The following ZNF827 variants were observed in gnomAD, a reference collection of about 807,000 sequenced individuals.
ZNF827 encodes zinc finger protein 827.
Under a neutral mutation model 102.4 loss-of-function variants are expected in ZNF827, and 13 were observed. The ratio of observed to expected loss-of-function variants is 0.13; its 90% confidence interval spans 0.08 to 0.20. The LOEUF is 0.20. Ranked by LOEUF, ZNF827 falls within the 10% of genes least tolerant of loss-of-function variation. The pLI, the probability that ZNF827 is intolerant of heterozygous loss-of-function variation, is 1.00. For missense variants in ZNF827, 1,103 were observed against 1,344.4 expected, an observed-to-expected ratio of 0.82 and a Z score of 2.81; for synonymous variants, 523 against 536.2, an observed-to-expected ratio of 0.98 and a Z score of 0.34.
At chr4:145,922,500 CA>C (rs576894400) in intron 1 of ZNF827, among the ~76,000 whole-genome samples, 331 of 152,228 alleles carry the variant, frequency 2.2e-3, no homozygotes, top group African/African-American at 7.6e-3. Flanking sequence ...CACACAAACA[CA>C]AAAACAAAAC....
At chr4:145,858,134 A>AGT (rs10553157) in intron 5 of ZNF827, among the ~76,000 whole-genome samples, 2,128 of 147,060 alleles carry the variant, frequency 0.014, 18 homozygotes, top group Middle Eastern at 0.032. Flanking sequence ...TGCATGTGTG[A>AGT]GTGTGTGTGT....
At chr4:145,781,163 T>C (rs1487083014) in intron 8 of ZNF827, among the ~76,000 whole-genome samples, 6 of 108,474 alleles carry the variant, frequency 5.5e-5, no homozygotes, top group African/African-American at 7.4e-5. Flanking sequence ...GCCACTGCAC[T>C]CCAGCCCGGG....
At chr4:145,786,789 T>C (rs1738926945) in intron 8 of ZNF827, among the ~76,000 whole-genome samples, 1 of 152,212 alleles carries the variant, frequency 6.6e-6, no homozygotes, top group Non-Finnish European at 1.5e-5. Context: ...TTTGTTCCAG[T>C]GCTTGCAGCT....
At chr4:145,865,508 A>G (rs538954330) in intron 5 of ZNF827, among the ~76,000 whole-genome samples, 3 of 152,194 alleles carry the variant, frequency 2.0e-5, no homozygotes, top group Non-Finnish European at 4.4e-5. Context: ...CAGAGTTTCA[A>G]CTAGGTCCAG....
chr4:145,765,092 G>A lies in ZNF827; in HGVS notation c.3126C>T (p.Leu1042=). 6.2e-7 allele frequency: 1 copy of A among 1,614,206 alleles called. No individual in the cohort carries two copies. The highest frequency in any genetic ancestry group is 8.5e-7 in the Non-Finnish European group (1 of 1,180,040). ...NMFERHLQIH[L]ITRMFECDVC... ...CATCACACTCAAACATCCGGGTGAT[G>A]AGGTGTATCTGCAGATGACGCTCAA... The change falls in exon 13 of 15, where the codon CTC becomes CTT. Residue 1042 remains leucine, a synonymous_variant. Coordinates refer to ENST00000508784, the MANE Select transcript of ZNF827 (RefSeq NM_001306215.2). The surrounding 1 kb of genome is among the most constrained non-coding windows in gnomAD (Gnocchi z 4.7).
chr4:145,782,959 A>G (rs1738312197), intron 8 of ZNF827, among the ~76,000 whole-genome samples: 1 of 152,186 alleles, frequency 6.6e-6, no homozygotes, highest in Non-Finnish European at 1.5e-5. Context: ...AGCCCTGCCC[A>G]ATTCCCAAGG....
chr4:145,879,210 G>A (rs1315271507), intron 4 of ZNF827, among the ~76,000 whole-genome samples: 1 of 152,122 alleles, frequency 6.6e-6, no homozygotes, highest in African/African-American at 2.4e-5. Context: ...GTCCTTTGCA[G>A]CCGAAACCTT....
chr4:145,762,142 TA>T lies in ZNF827; in HGVS notation c.*18-545del, dbSNP rs1300674794. On this transcript the variant is annotated intron_variant, in intron 14 of 14. Coordinates refer to ENST00000508784, the MANE Select transcript of ZNF827 (RefSeq NM_001306215.2). This position sits in a 1 kb window ranked among gnomAD's most constrained non-coding sequence, Gnocchi z 4.9. ...TCACAGGGGTCAGAATCGTGCTTAT[TA>T]AGGGTTTGTTAGGATGAGAAGGCCT... 3.3e-5 allele frequency among the ~76,000 whole-genome samples: 5 copies of T among 152,140 alleles called. No homozygotes were observed. The highest frequency in any genetic ancestry group is 1.2e-4 in the African/African-American group (5 of 41,416).
chr4:145,820,590 A>G (rs906470259), intron 8 of ZNF827, among the ~76,000 whole-genome samples: 1 of 152,194 alleles, frequency 6.6e-6, no homozygotes, highest in East Asian at 1.9e-4. Context: ...CTATTTCTGC[A>G]CAGCCACTAT....
intron 4 of ZNF827, 68 bp from the exon 5 acceptor site, chr4:145,870,546 T>C: frequency 7.4e-7 from 1 of 1,356,776 alleles, no homozygotes; most frequent in South Asian, 1.2e-5. Context: ...GCCCTGGTAC[T>C]TCACGAAGTA....
intron 8 of ZNF827, 140 bp downstream of exon 8, chr4:145,823,282 A>T: frequency 1.5e-6 from 1 of 652,128 alleles, no homozygotes; most frequent in Non-Finnish European, 2.6e-6. Context: ...GCTTAAATTG[A>T]GTTTCTCCTT....
Position 145,885,993 on chromosome 4 carries a change from G to A in ZNF827, c.1432C>T (p.Pro478Ser), listed in dbSNP as rs1394509580. The A allele has an allele frequency of 2.5e-6, 4 of 1,613,982 alleles. No individual in the cohort carries two copies. The highest frequency in any genetic ancestry group is 3.4e-6 in the Non-Finnish European group (4 of 1,180,004). Residue 478 changes from proline (P) to serine (S), a missense_variant, in exon 4 of 15, where the codon CCC becomes TCC. Physicochemically the swap from Pro to Ser is moderately conservative, Grantham distance 74. Coordinates refer to ENST00000508784, the MANE Select transcript of ZNF827 (RefSeq NM_001306215.2). Reference protein sequence around the residue: ...EIPDPDVKGSPHLSDSACLGQ... With the variant: ...EIPDPDVKGSSHLSDSACLGQ... ...AGGCAGGCACTGTCACTGAGGTGGG[G>A]AGATCCCTTGACATCTGGGTCTGGG...
chr4:145,840,057 G>T (rs984254550), intron 7 of ZNF827, among the ~76,000 whole-genome samples: 3 of 152,194 alleles, frequency 2.0e-5, no homozygotes, highest in Non-Finnish European at 4.4e-5. Flanking sequence ...ATAGAACAAA[G>T]TACTGAGAAA....
intron 5 of ZNF827, among the ~76,000 whole-genome samples, chr4:145,855,000 A>C (rs564656595): frequency 2.6e-5 from 4 of 152,228 alleles, no homozygotes; most frequent in Middle Eastern, 3.2e-3. Context: ...GCGTTGAGCA[A>C]GCTTAATGCT....
In ZNF827 at chr4:145,761,404, G is replaced by C. The variant is rs1734472275; in HGVS notation, c.*212C>G. 2 of 1,289,872 alleles carry C rather than the reference G, an allele frequency of 1.6e-6. No individual in the cohort carries two copies. Among genetic ancestry groups the C allele is most frequent in the Non-Finnish European group, 2.0e-6 (2 of 988,862 alleles). The allele number at this position is 1,289,872 out of a possible 1,614,324, so 79.9% of individuals were successfully genotyped here. On this transcript the variant is annotated 3_prime_UTR_variant, in exon 15 of 15. Transcript: ENST00000508784. This position sits in a 1 kb window ranked among gnomAD's most constrained non-coding sequence, Gnocchi z 6.8. The stretch of plus-strand genomic sequence containing the variant: ...CACGTGCTCGATGAGCTTGTTGGCG[G>C]TCTTGGACAGGTAGCCGCACTGGTC...
At chr4:145,782,946 T>C (rs919492453) in intron 8 of ZNF827, among the ~76,000 whole-genome samples, 3 of 152,234 alleles carry the variant, frequency 2.0e-5, no homozygotes, top group African/African-American at 7.2e-5. Flanking sequence ...ATCTCCTTGG[T>C]GAAGCCCTGC....
At chr4:145,771,746 T>C (rs2126919508) in intron 11 of ZNF827, among the ~76,000 whole-genome samples, 1 of 152,334 alleles carries the variant, frequency 6.6e-6, no homozygotes, top group South Asian at 2.1e-4. Flanking sequence ...ATGGGTTCTG[T>C]AGGAGACTAA....
intron 4 of ZNF827, among the ~76,000 whole-genome samples, chr4:145,884,018 T>G (rs1326587399): frequency 6.6e-6 from 1 of 152,060 alleles, no homozygotes; most frequent in Non-Finnish European, 1.5e-5. Context: ...AAAAATCACA[T>G]TTTCCCCTAG....
chr4:145,832,332 CACAG>C (rs1744304640), intron 7 of ZNF827: 1 of 146,532 alleles, frequency 6.8e-6, no homozygotes, highest in African/African-American at 2.5e-5. Context: ...CACACACACA[CACAG>C]AGCAAATACA....
Sources: gnomAD v4.1 joint callset for allele counts (sites outside exome capture counted in the v4.1 genomes callset) on GRCh38, gnomAD v4.1.1 for gene constraint, Gnocchi (gnomAD v3.1) non-coding constraint, MANE v1.5 for transcripts, NCBI Gene and HGNC (gene_info 2026-07-23, HGNC 2026-07-21) for gene names.